Variants in IWS1 observed in about 807,000 individuals in gnomAD.
The protein encoded by IWS1 is protein IWS1 homolog.
IWS1 carries 27 observed loss-of-function variants against 86.7 expected under a neutral mutation model. The ratio of observed to expected loss-of-function variants is 0.31; its 90% confidence interval spans 0.23 to 0.43. The LOEUF (loss-of-function observed/expected upper bound fraction) is 0.43. IWS1 is among the 20% of genes least tolerant of loss of function. The pLI is 1.00. For missense variants in IWS1, 827 were observed against 1,000.8 expected, an observed-to-expected ratio of 0.83 and a Z score of 2.34; for synonymous variants, 313 against 335.1, an observed-to-expected ratio of 0.93 and a Z score of 0.72.
chr2:127,492,853 C>T (rs1690304084), intron 9 of IWS1: 1 of 153,004 alleles, frequency 6.5e-6, no homozygotes, highest in South Asian at 2.1e-4. Context: ...ATATATAAAG[C>T]ACCTGGCACA....
intron 3 of IWS1, among the ~76,000 whole-genome samples, chr2:127,503,923 A>T (rs560326141): frequency 6.6e-6 from 1 of 152,296 alleles, no homozygotes; most frequent in South Asian, 2.1e-4. Context: ...CATCCTTTCT[A>T]TGTTGCCTAG....
chr2:127,489,073 T>G lies in IWS1; in HGVS notation c.2216+106A>C. 1 of 762,966 alleles carries G rather than the reference T, an allele frequency of 1.3e-6. No individual in the cohort carries two copies. The highest frequency in any genetic ancestry group is 2.4e-4 in the Middle Eastern group (1 of 4,244). The allele number at this position is 762,966 out of a possible 1,614,324, so 47.3% of individuals were successfully genotyped here. A position where few individuals can be genotyped will look rare whatever the true frequency, so the allele number is the denominator to read the frequency against. On this transcript the variant is annotated intron_variant, in intron 12 of 13. Coordinates refer to ENST00000295321, the MANE Select transcript of IWS1 (RefSeq NM_017969.3). The surrounding 1 kb of genome is among the most constrained non-coding windows in gnomAD (Gnocchi z 4.8). ...ACTAAACGTTAAAATGAAAGTCACC[T>G]CCCACAAATGAGAGCATAACATCAT...
intron 2 of IWS1, among the ~76,000 whole-genome samples, chr2:127,509,054 T>C (rs1463190733): frequency 6.6e-6 from 1 of 152,178 alleles, no homozygotes; most frequent in Admixed American, 6.5e-5. Context: ...GCATTATGTA[T>C]GGCATGACAG....
chr2:127,518,215 C>G (rs929988047), intron 2 of IWS1, among the ~76,000 whole-genome samples: 2 of 152,168 alleles, frequency 1.3e-5, no homozygotes, highest in Admixed American at 1.3e-4. Flanking sequence ...GTAAATTGAT[C>G]TCAATAGAGC....
Position 127,495,019 on chromosome 2 carries a change from G to T in IWS1, c.1717-65C>A, listed in dbSNP as rs78328650. The T allele has an allele frequency of 4.8e-3, 4,563 of 953,446 alleles. 142 individuals carry two copies. In the African/African-American group the frequency reaches 0.068, roughly 14 times the overall value. The allele number at this position is 953,446 out of a possible 1,614,324, so 59.1% of individuals were successfully genotyped here. On this transcript the variant is annotated intron_variant, in intron 7 of 13. Transcript: ENST00000295321. ...ACTTTTTATTAATATTGAATTCACT[G>T]TAATTCTGAACCTTAAAATAACAGT...
In IWS1 at chr2:127,526,465, C is replaced by T. The variant is rs192223618; in HGVS notation, c.-257G>A. ...GAGCCGGCGTTCTACTTCCTAGAAG[C>T]ACCGCTGGGGCCAAAATGGCGTCTG... On this transcript the variant is annotated 5_prime_UTR_variant, in exon 1 of 14. Transcript: ENST00000295321. 3.9e-6 allele frequency: 6 copies of T among 1,530,624 alleles called. No homozygotes were observed. Among genetic ancestry groups the T allele is most frequent in the Non-Finnish European group, 5.3e-6 (6 of 1,137,396 alleles). 94.8% of individuals were successfully genotyped at this position (1,530,624 alleles called of 1,614,324 possible). A position where few individuals can be genotyped will look rare whatever the true frequency, so the allele number is the denominator to read the frequency against.
At chr2:127,484,533 G>A (rs963605518) in intron 13 of IWS1, 1 of 152,240 alleles carries the variant, frequency 6.6e-6, no homozygotes, top group African/African-American at 2.4e-5. Flanking sequence ...CTATGGGGAA[G>A]TGGGACCAGA....
At chr2:127,497,837 G>C in intron 6 of IWS1, among the ~76,000 whole-genome samples, 1 of 152,226 alleles carries the variant, frequency 6.6e-6, no homozygotes, top group Admixed American at 6.5e-5. Context: ...ACATCAGCTT[G>C]TCTCTCAAAA....
chr2:127,486,132 C>A (rs779701080), intron 13 of IWS1: 18 of 173,554 alleles, frequency 1.0e-4, no homozygotes, highest in Non-Finnish European at 2.3e-4. Flanking sequence ...TAAGTGTCTA[C>A]CCTAATCATT....
chr2:127,513,714 C>A (rs1230964956), intron 2 of IWS1, among the ~76,000 whole-genome samples: 2 of 145,504 alleles, frequency 1.4e-5, no homozygotes, highest in East Asian at 4.1e-4. Flanking sequence ...TAGTATTCTA[C>A]CAAATTATTT....
chr2:127,514,331 C>T (rs1402945437), intron 2 of IWS1: 3 of 154,424 alleles, frequency 1.9e-5, no homozygotes, highest in Middle Eastern at 5.1e-4. Context: ...ACTTGGGACC[C>T]GCCAAACGGA....
intron 5 of IWS1, among the ~76,000 whole-genome samples, chr2:127,501,397 T>G (rs1030436964): frequency 6.6e-6 from 1 of 152,170 alleles, no homozygotes; most frequent in Non-Finnish European, 1.5e-5. Context: ...GCAGTTTTAT[T>G]ACGATGTAGT....
intron 13 of IWS1, 121 bp from the exon 14 acceptor site, chr2:127,481,296 T>G: frequency 1.2e-6 from 1 of 819,574 alleles, no homozygotes; most frequent in Non-Finnish European, 1.8e-6. Context: ...ATAACCAGAA[T>G]GTGTGTTGAT....
upstream of IWS1, among the ~76,000 whole-genome samples, chr2:127,527,101 C>A (rs1692465825): frequency 2.6e-5 from 4 of 152,182 alleles, no homozygotes; most frequent in African/African-American, 9.7e-5. Flanking sequence ...GCCCTGTGTT[C>A]CTGGAAAACA....
At chr2:127,500,136 T>C (rs1417662293) in intron 5 of IWS1, among the ~76,000 whole-genome samples, 1 of 152,198 alleles carries the variant, frequency 6.6e-6, no homozygotes, top group African/African-American at 2.4e-5. Flanking sequence ...AGCACTTTTG[T>C]TCATCAGAAG....
At position 127,492,014 on chromosome 2, in the gene IWS1, G is replaced by A. The variant is rs76868291; in HGVS notation, c.2004C>T (p.Pro668=). ...TGTCCTTGTTAGACCTTGACTCCTT[G>A]GGGTGTTTATAGAGATACATCACTG... ...GRAVMYLYKH[P]KESRSNKDMA... is the part of the protein sequence containing the mutation. Residue 668 remains proline, a synonymous_variant, in exon 10 of 14, where the codon CCC becomes CCT. Coordinates refer to ENST00000295321, the MANE Select transcript of IWS1 (RefSeq NM_017969.3). 9 of 1,613,680 alleles carry A rather than the reference G, an allele frequency of 5.6e-6. No homozygotes were observed. Among genetic ancestry groups the A allele is most frequent in the East Asian group, 2.2e-5 (1 of 44,874 alleles).
At chr2:127,500,569 C>T (rs1196653983) in intron 5 of IWS1, among the ~76,000 whole-genome samples, 1 of 152,092 alleles carries the variant, frequency 6.6e-6, no homozygotes, top group African/African-American at 2.4e-5. Context: ...CATGTTTACA[C>T]AAAGTCCCCT....
In IWS1 at chr2:127,493,367, C is replaced by T. The variant is rs1335356802; in HGVS notation, c.1843G>A (p.Ala615Thr). 9 of 1,613,080 alleles carry T rather than the reference C, an allele frequency of 5.6e-6. No homozygotes were observed. Among genetic ancestry groups the T allele is most frequent in the Non-Finnish European group, 6.8e-6 (8 of 1,179,706 alleles). The change falls in exon 9 of 14, where the codon GCC becomes ACC. Residue 615 changes from alanine (A) to threonine (T), a missense_variant. Coordinates refer to ENST00000295321, the MANE Select transcript of IWS1 (RefSeq NM_017969.3). ...AGAGGTGAGAGCCATTCTTTGATGG[C>T]AGACATCACACCACTGTCAATGAAT... ...ETFIDSGVMS[A>T]IKEWLSPLPD... is the part of the protein sequence containing the mutation.
intron 13 of IWS1, among the ~76,000 whole-genome samples, chr2:127,483,575 G>GGGGGT (rs1558736643): frequency 1.1e-4 from 5 of 46,044 alleles, no homozygotes; most frequent in Non-Finnish European, 2.1e-4. Context: ...TTTGGTCGGG[G>GGGGGT]CGGGGGGTGG....
Sources: allele counts gnomAD v4.1 joint callset (sites outside exome capture counted in the v4.1 genomes callset), GRCh38; gene constraint gnomAD v4.1.1; non-coding constraint Gnocchi (gnomAD v3.1); transcripts MANE v1.5; gene names NCBI Gene and HGNC (gene_info 2026-07-23, HGNC 2026-07-21).